Variants in GPR158 observed in about 807,000 individuals in gnomAD.
GPR158 encodes G protein-coupled receptor 158, also known as metabotropic glycine receptor.
Under a neutral mutation model 78.2 loss-of-function variants are expected in GPR158, and 30 were observed. The ratio of observed to expected loss-of-function variants is 0.38; its 90% confidence interval spans 0.29 to 0.52. The LOEUF is 0.52. Ranked by LOEUF, GPR158 falls within the 20% of genes least tolerant of loss-of-function variation. GPR158 has a pLI of 0.83. For missense variants in GPR158, 1,463 were observed against 1,523.5 expected (o/e 0.96, Z 0.66); for synonymous variants, 581 against 591.1 (o/e 0.98, Z 0.25).
chr10:25,381,136 T>A (rs982900062), intron 2 of GPR158, among the ~76,000 whole-genome samples: 81 of 152,122 alleles, frequency 5.3e-4, no homozygotes, highest in African/African-American at 1.9e-3. Context: ...AATTGAATAT[T>A]TGAGAATGGG....
intron 2 of GPR158, among the ~76,000 whole-genome samples, chr10:25,321,433 T>C (rs550561305): frequency 1.3e-5 from 2 of 152,324 alleles, no homozygotes; most frequent in East Asian, 1.9e-4. Context: ...CCAGTACATC[T>C]ATATGAAAGG....
intron 4 of GPR158, among the ~76,000 whole-genome samples, chr10:25,436,203 G>A (rs1051104420): frequency 6.6e-6 from 1 of 152,168 alleles, no homozygotes; most frequent in Non-Finnish European, 1.5e-5. Context: ...TGTTACATGA[G>A]ACATGTGTAT....
At chr10:25,241,440 C>T (rs1025185271) in intron 2 of GPR158, among the ~76,000 whole-genome samples, 5 of 79,566 alleles carry the variant, frequency 6.3e-5, no homozygotes, top group African/African-American at 1.6e-4. Flanking sequence ...TCTTTTCTTT[C>T]GACAGAGTCT....
intron 5 of GPR158, among the ~76,000 whole-genome samples, chr10:25,504,519 C>T (rs573261304): frequency 6.6e-6 from 1 of 152,312 alleles, no homozygotes; most frequent in East Asian, 1.9e-4. Context: ...CATCCATCAT[C>T]TGAAGGTATG....
At chr10:25,205,988 CT>C (rs34835235) in intron 1 of GPR158, among the ~76,000 whole-genome samples, 65,233 of 134,912 alleles carry the variant, frequency 0.48, 14,949 homozygotes, top group East Asian at 0.54. Context: ...GTGGGTCCCT[CT>C]TTTTTTTTTT....
At chr10:25,302,135 G>C (rs538336493) in intron 2 of GPR158, among the ~76,000 whole-genome samples, 1 of 141,666 alleles carries the variant, frequency 7.1e-6, no homozygotes, top group African/African-American at 2.9e-5. Flanking sequence ...GCAGTGGTGC[G>C]ATCTCGGCTC....
intron 2 of GPR158, among the ~76,000 whole-genome samples, chr10:25,231,901 A>G (rs981547053): frequency 6.6e-6 from 1 of 152,142 alleles, no homozygotes; most frequent in African/African-American, 2.4e-5. Context: ...CTTCTCTGTG[A>G]CCTCGGGATC....
At chr10:25,581,271 G>A (rs889063369) in intron 7 of GPR158, among the ~76,000 whole-genome samples, 7 of 152,114 alleles carry the variant, frequency 4.6e-5, no homozygotes, top group Non-Finnish European at 8.8e-5. Context: ...GACTTGCTGT[G>A]TTGACCAGGC....
intron 1 of GPR158, among the ~76,000 whole-genome samples, chr10:25,183,484 G>A (rs1432551545): frequency 6.6e-6 from 1 of 152,158 alleles, no homozygotes; most frequent in Non-Finnish European, 1.5e-5. Context: ...AGGTAGTAAA[G>A]TTTATTTTTC....
At chr10:25,526,031 G>A (rs1389838912) in intron 5 of GPR158, among the ~76,000 whole-genome samples, 1 of 148,766 alleles carries the variant, frequency 6.7e-6, no homozygotes, top group African/African-American at 2.5e-5. Context: ...GCTTGAACCT[G>A]GGAGGCAGAG....
At chr10:25,425,061 G>A (rs1243824528) in intron 4 of GPR158, among the ~76,000 whole-genome samples, 3 of 152,046 alleles carry the variant, frequency 2.0e-5, no homozygotes, top group Non-Finnish European at 2.9e-5. Flanking sequence ...TTATTTCATT[G>A]AGCAGTGGTT....
chr10:25,535,265 A>G (rs372588652), intron 5 of GPR158, among the ~76,000 whole-genome samples: 3 of 152,242 alleles, frequency 2.0e-5, no homozygotes, highest in African/African-American at 7.2e-5. Flanking sequence ...TAATCAATCA[A>G]ACAGATTAAC....
At position 25,549,694 on chromosome 10, in the gene GPR158, G is replaced by A. The variant is rs138737497; in HGVS notation, c.1405-1282G>A. ...TAATTTCTCCTTAACACTTTTGTCC[G>A]TATTTTCTCCATTCCTTGAGAACTT... is the stretch of plus-strand genomic sequence containing the variant. On this transcript the variant is annotated intron_variant, in intron 5 of 10. Coordinates refer to ENST00000376351, the MANE Select transcript of GPR158 (RefSeq NM_020752.3). Among the ~76,000 whole-genome samples the A allele has an allele frequency of 5.1e-3, 783 of 152,098 alleles. 6 individuals are homozygous for A. The highest frequency in any genetic ancestry group is 0.018 in the African/African-American group (747 of 41,506).
chr10:25,330,695 TA>T (rs1237565769), intron 2 of GPR158, among the ~76,000 whole-genome samples: 1 of 152,184 alleles, frequency 6.6e-6, no homozygotes, highest in Non-Finnish European at 1.5e-5. Flanking sequence ...GAAAACAAGT[TA>T]AAGCAATGTT....
At chr10:25,286,897 T>G (rs111510568) in intron 2 of GPR158, among the ~76,000 whole-genome samples, 46 of 152,294 alleles carry the variant, frequency 3.0e-4, no homozygotes, top group African/African-American at 1.1e-3. Context: ...GTGTCTGCTG[T>G]GCACTAAGCT....
chr10:25,301,149 A>C (rs1854587696), intron 2 of GPR158, among the ~76,000 whole-genome samples: 1 of 152,204 alleles, frequency 6.6e-6, no homozygotes, highest in South Asian at 2.1e-4. Flanking sequence ...ATAATTTGTC[A>C]AAATGTTTAT....
intron 2 of GPR158, among the ~76,000 whole-genome samples, chr10:25,279,819 C>T (rs1485067654): frequency 6.6e-6 from 1 of 152,104 alleles, no homozygotes; most frequent in Non-Finnish European, 1.5e-5. Flanking sequence ...CTTACACAGT[C>T]TTTAATTTCT....
intron 2 of GPR158, among the ~76,000 whole-genome samples, chr10:25,302,341 C>A (rs1257319476): frequency 6.6e-6 from 1 of 151,794 alleles, no homozygotes; most frequent in Non-Finnish European, 1.5e-5. Context: ...GCCTTGGCTT[C>A]CCAAAGCGCT....
chr10:25,268,749 T>C (rs767141465), intron 2 of GPR158, among the ~76,000 whole-genome samples: 1 of 152,154 alleles, frequency 6.6e-6, no homozygotes, highest in Non-Finnish European at 1.5e-5. Context: ...AGAGTAATCA[T>C]GCAGTAACCA....
Sources: gnomAD v4.1 joint callset for allele counts (sites outside exome capture counted in the v4.1 genomes callset) on GRCh38, gnomAD v4.1.1 for gene constraint, MANE v1.5 for transcripts, NCBI Gene and HGNC (gene_info 2026-07-23, HGNC 2026-07-21) for gene names.